Variants in DZIP3 observed in about 807,000 individuals in gnomAD.
DZIP3 encodes the protein DAZ interacting zinc finger protein 3, also known as E3 ubiquitin-protein ligase DZIP3.
DZIP3 carries 118 observed loss-of-function variants against 162.0 expected under a neutral mutation model. The observed-to-expected ratio is 0.73, with a 90% confidence interval of 0.63 to 0.85. DZIP3 has a LOEUF of 0.85. DZIP3 is among the 40% of genes least tolerant of loss of function. The pLI is 0.00. For synonymous variants in DZIP3, 438 were observed against 458.6 expected (o/e 0.96, Z 0.57); for missense variants, 1,331 against 1,407.0 (o/e 0.95, Z 0.86).
At chr3:108,686,904 A>G (rs1305018546) in intron 28 of DZIP3, among the ~76,000 whole-genome samples, 2 of 152,084 alleles carry the variant, frequency 1.3e-5, no homozygotes, top group Non-Finnish European at 2.9e-5. Flanking sequence ...ATCTTAACCT[A>G]TCTCCAAAGT....
intron 12 of DZIP3, among the ~76,000 whole-genome samples, chr3:108,639,058 C>G (rs1441707994): frequency 6.6e-6 from 1 of 152,238 alleles, no homozygotes; most frequent in Non-Finnish European, 1.5e-5. Flanking sequence ...ATTTGACCTT[C>G]AAGCTTTGCT....
chr3:108,685,748 T>C (rs6766078), intron 27 of DZIP3, among the ~76,000 whole-genome samples: 2,116 of 152,280 alleles, frequency 0.014, 52 homozygotes, highest in African/African-American at 0.049. Context: ...GTTATAAAGG[T>C]ATATATGCTA....
upstream of DZIP3, chr3:108,589,589 C>T: frequency 2.3e-6 from 1 of 439,336 alleles, no homozygotes; most frequent in Middle Eastern, 6.1e-4. Context: ...GGGTCCAGGA[C>T]GGGGGTTGGG....
chr3:108,623,106 G>T (rs950695652), intron 5 of DZIP3, among the ~76,000 whole-genome samples: 1 of 152,012 alleles, frequency 6.6e-6, no homozygotes, highest in African/African-American at 2.4e-5. Context: ...AGAAGTGCCA[G>T]ACAGGACTTG....
chr3:108,638,189 G>A (rs1942243383), intron 12 of DZIP3, among the ~76,000 whole-genome samples: 1 of 152,044 alleles, frequency 6.6e-6, no homozygotes, highest in African/African-American at 2.4e-5. Context: ...ATACCTACCT[G>A]CATACTGAGT....
At chr3:108,646,327 G>T (rs1030483943) in intron 14 of DZIP3, among the ~76,000 whole-genome samples, 1 of 152,122 alleles carries the variant, frequency 6.6e-6, no homozygotes, top group Non-Finnish European at 1.5e-5. Flanking sequence ...GCCTTAGATG[G>T]TAAACATAAA....
At chr3:108,663,640 T>C (rs1348920085) in intron 21 of DZIP3, among the ~76,000 whole-genome samples, 1 of 151,884 alleles carries the variant, frequency 6.6e-6, no homozygotes, top group African/African-American at 2.4e-5. Flanking sequence ...CAGAAATATG[T>C]CATATAATAT....
chr3:108,688,076 A>G lies in DZIP3; in HGVS notation c.3250A>G (p.Ile1084Val), dbSNP rs1177620492. The G allele has an allele frequency of 3.7e-6, 6 of 1,613,444 alleles. No individual in the cohort carries two copies. Among genetic ancestry groups the G allele is most frequent in the African/African-American group, 1.3e-5 (1 of 74,908 alleles). Residue 1084 changes from isoleucine to valine, a missense_variant, in exon 29 of 33, where the codon ATT becomes GTT. Physicochemically the swap from Ile to Val is conservative, Grantham distance 29 (BLOSUM62 3). Around this residue, in one of 2 missense-constraint regions of DZIP3, gnomAD observed 1,278 missense variants for 1,317.1 expected, o/e 0.97. Transcript: ENST00000361582. ...AATTGTTTGCAAGATTTCCCAGTTTATTGACCCCAAAAAGTCTCAGGTAAA... is the reference window on the plus strand; with the variant it reads ...AATTGTTTGCAAGATTTCCCAGTTTGTTGACCCCAAAAAGTCTCAGGTAAA... ...DEIVCKISQF[I>V]DPKKSQSQGK... is the part of the protein sequence containing the mutation.
At chr3:108,597,817 A>G (rs566793796) in intron 1 of DZIP3, among the ~76,000 whole-genome samples, 1 of 152,218 alleles carries the variant, frequency 6.6e-6, no homozygotes, top group East Asian at 1.9e-4. Flanking sequence ...ATGCCTGCAT[A>G]TAATTTATAA....
At chr3:108,597,117 T>G (rs1939753180) in intron 1 of DZIP3, among the ~76,000 whole-genome samples, 1 of 152,144 alleles carries the variant, frequency 6.6e-6, no homozygotes, top group African/African-American at 2.4e-5. Context: ...AGCCAGAAAA[T>G]CTAAAAAAAA....
chr3:108,591,978 CAAAA>C lies in DZIP3; in HGVS notation c.-73+2155_-73+2158del, dbSNP rs34569028. 2.8e-3 allele frequency among the ~76,000 whole-genome samples: 310 copies of C among 110,348 alleles called. 1 individual carries two copies. The highest frequency in any genetic ancestry group is 0.014 in the Middle Eastern group (3 of 216). The allele number at this position is 110,348 out of a possible 152,430, so 72.4% of individuals were successfully genotyped here. A position where few individuals can be genotyped will look rare whatever the true frequency, so the allele number is the denominator to read the frequency against. ...CCTGGGTGGCAGAGTGAGACCCTGT[CAAAA>C]AAAAAAAAAAAAAAAGAGATGAGTC... On this transcript the variant is annotated intron_variant, in intron 1 of 32. Coordinates refer to ENST00000361582, the MANE Select transcript of DZIP3 (RefSeq NM_014648.4).
At chr3:108,592,975 A>G (rs1284678806) in intron 1 of DZIP3, among the ~76,000 whole-genome samples, 1 of 152,172 alleles carries the variant, frequency 6.6e-6, no homozygotes, top group Admixed American at 6.5e-5. Context: ...TTTTTACATA[A>G]TTTAATGAGA....
At chr3:108,645,263 G>A (rs1318040175) in intron 14 of DZIP3, among the ~76,000 whole-genome samples, 1 of 152,076 alleles carries the variant, frequency 6.6e-6, no homozygotes, top group African/African-American at 2.4e-5. Context: ...CACTTTAAGT[G>A]GAGTTTTATT....
At chr3:108,615,839 G>A (rs1235317284) in intron 4 of DZIP3, among the ~76,000 whole-genome samples, 25 of 152,202 alleles carry the variant, frequency 1.6e-4, no homozygotes, top group Admixed American at 1.6e-3. Context: ...TTTACCACAG[G>A]TTCAGGGCTG....
At chr3:108,658,147 A>T (rs939888634) in intron 19 of DZIP3, among the ~76,000 whole-genome samples, 1 of 152,174 alleles carries the variant, frequency 6.6e-6, no homozygotes, top group Non-Finnish European at 1.5e-5. Context: ...GACCTAATAG[A>T]CATCTACAGA....
Position 108,686,534 on chromosome 3 carries a change from T to C in DZIP3, c.3099T>C (p.Asn1033=). The C allele has an allele frequency of 6.2e-7, 1 of 1,611,608 alleles. No homozygotes were observed. The highest frequency in any genetic ancestry group is 1.1e-5 in the South Asian group (1 of 90,710). ...TGCGGAGTGATCCCTCCATCATGAA[T>C]TGGGAGAGAATTACAGACAGGCTGA... ...AGLRSDPSIM[N]WERITDRLKT... is the part of the protein sequence containing the mutation. The change falls in exon 28 of 33, where the codon AAT becomes AAC. Residue 1033 remains asparagine (N), a synonymous_variant. Transcript: ENST00000361582.
Position 108,688,577 on chromosome 3 carries a change from A to T in DZIP3, c.3271-16A>T, listed in dbSNP as rs1944578119. The T allele has an allele frequency of 6.2e-7, 1 of 1,609,282 alleles. No homozygotes were observed. The highest frequency in any genetic ancestry group is 2.2e-5 in the East Asian group (1 of 44,878). The stretch of plus-strand genomic sequence containing the variant: ...GGATAATTCTGAAAAAATAAACATT[A>T]TGTTCTTATTTTCAGAGTCAAGGAA... On this transcript the variant is annotated splice_polypyrimidine_tract_variant and intron_variant, in intron 29 of 32. Transcript: ENST00000361582.
rs753513207 is a variant in DZIP3 at position 108,669,732 on chromosome 3, G to A, written c.2475G>A (p.Glu825=). The change falls in exon 22 of 33, where the codon GAG becomes GAA. Residue 825 remains glutamate, a synonymous_variant. Coordinates refer to ENST00000361582, the MANE Select transcript of DZIP3 (RefSeq NM_014648.4). ...AKDNEIKNLK[E]QLSMKRSQWE... The stretch of plus-strand genomic sequence containing the variant: ...ATAATGAAATCAAGAACCTTAAAGA[G>A]CAACTTTCTATGAAAAGGTACAAAC... The A allele has an allele frequency of 3.7e-6, 6 of 1,611,008 alleles. No individual in the cohort carries two copies. The highest frequency in any genetic ancestry group is 4.5e-5 in the East Asian group (2 of 44,774).
chr3:108,653,793 A>C (rs906257938), intron 18 of DZIP3, among the ~76,000 whole-genome samples: 3 of 152,046 alleles, frequency 2.0e-5, no homozygotes, highest in African/African-American at 7.2e-5. Flanking sequence ...ATAATGTAGC[A>C]GATGTGGAAA....
Sources: allele counts gnomAD v4.1 joint callset (sites outside exome capture counted in the v4.1 genomes callset), GRCh38; gene constraint gnomAD v4.1.1; regional missense constraint gnomAD v4.1.1; transcripts MANE v1.5; gene names NCBI Gene and HGNC (gene_info 2026-07-23, HGNC 2026-07-21).